Variants in PRKCQ observed in about 807,000 individuals in gnomAD.
The protein encoded by PRKCQ is protein kinase C theta type.
In PRKCQ, 41 loss-of-function variants were observed where a neutral mutation model predicts 91.2. The ratio of observed to expected loss-of-function variants is 0.45; its 90% CI spans 0.35 to 0.58. The LOEUF (loss-of-function observed/expected upper bound fraction) is 0.58, where lower values mean the gene tolerates loss of function less well. Among genes scored for constraint, PRKCQ ranks in the 20% least tolerant of loss-of-function variants. The pLI is 0.00. For synonymous variants in PRKCQ, 307 were observed against 316.9 expected (o/e 0.97, Z 0.33); for missense variants, 673 against 896.5 (o/e 0.75, Z 3.18).
intron 8 of PRKCQ, 48 bp from the exon 9 acceptor site, chr10:6,486,192 G>A (rs1417149429): frequency 6.8e-7 from 1 of 1,477,650 alleles, no homozygotes; most frequent in Non-Finnish European, 9.4e-7. Context: ...GAACCCCCTG[G>A]TGCTAAACAA....
chr10:6,434,435 G>C (rs1243298346), intron 16 of PRKCQ, among the ~76,000 whole-genome samples: 1 of 152,328 alleles, frequency 6.6e-6, no homozygotes, highest in East Asian at 1.9e-4. Context: ...CTCCAGCTCT[G>C]AGCGTCAATA....
At chr10:6,486,489 C>T (rs541652122) in intron 8 of PRKCQ, among the ~76,000 whole-genome samples, 15 of 152,296 alleles carry the variant, frequency 9.8e-5, no homozygotes, top group African/African-American at 3.6e-4. Context: ...ACCCTTTTTC[C>T]AGGAACTTAA....
chr10:6,500,481 A>C (rs1306615913), intron 4 of PRKCQ, among the ~76,000 whole-genome samples: 2 of 151,436 alleles, frequency 1.3e-5, no homozygotes, highest in East Asian at 1.9e-4. Flanking sequence ...ATATATAGTT[A>C]TATACACAAT....
At chr10:6,540,653 G>A (rs1363925437) in intron 1 of PRKCQ, among the ~76,000 whole-genome samples, 1 of 152,292 alleles carries the variant, frequency 6.6e-6, no homozygotes, top group South Asian at 2.1e-4. Flanking sequence ...GAACATTTGG[G>A]CTGTTTCTAG....
chr10:6,478,223 G>T (rs768790920), intron 12 of PRKCQ, among the ~76,000 whole-genome samples: 2 of 152,150 alleles, frequency 1.3e-5, no homozygotes, highest in Non-Finnish European at 2.9e-5. Flanking sequence ...TTTACAGTGG[G>T]TTGCTATTTT....
intron 7 of PRKCQ, 110 bp downstream of exon 7, chr10:6,496,925 G>T (rs895643221): frequency 1.4e-5 from 14 of 985,514 alleles, no homozygotes; most frequent in Non-Finnish European, 2.1e-5. Context: ...GATGTTCACT[G>T]ATAAATGGGA....
Position 6,485,154 on chromosome 10 carries a change from C to G in PRKCQ, c.1016G>C (p.Arg339Thr). 6.2e-7 allele frequency: 1 copy of G among 1,612,524 alleles called. No individual in the cohort carries two copies. The highest frequency in any genetic ancestry group is 2.2e-5 in the East Asian group (1 of 44,848). ...AGACTGCTGATCAGGACAGCTACCTCTTTTTCCCGGTGTCGGTAAACATGG... is the reference window on the plus strand; with the variant it reads ...AGACTGCTGATCAGGACAGCTACCTGTTTTTCCCGGTGTCGGTAAACATGG... ...RPPCLPTPGK[R>T]EPQGISWESP... The change falls in exon 10 of 18, where the codon AGA (arginine) becomes ACA (threonine). Residue 339 changes from arginine (R) to threonine (T), a missense_variant and splice_region_variant. Arg to Thr is a moderately conservative substitution (Grantham distance 71). Coordinates refer to ENST00000263125, the MANE Select transcript of PRKCQ (RefSeq NM_006257.5).
chr10:6,456,087 C>T (rs981783425), intron 15 of PRKCQ, among the ~76,000 whole-genome samples: 8 of 152,060 alleles, frequency 5.3e-5, no homozygotes, highest in African/African-American at 1.9e-4. Context: ...TGATGGATGC[C>T]TTCTGTGCAA....
intron 1 of PRKCQ, among the ~76,000 whole-genome samples, chr10:6,564,141 C>T (rs981907369): frequency 2.0e-5 from 3 of 152,096 alleles, no homozygotes; most frequent in Non-Finnish European, 2.9e-5. Flanking sequence ...TCACGGGCCC[C>T]GCAAAGATTC....
chr10:6,395,056 C>CTTTTTTTTTTTTTTTTTTTTTTTTT, the PRKCQ span, among the ~76,000 whole-genome samples: 1 of 66,994 alleles, frequency 1.5e-5, no homozygotes. Flanking sequence ...AAGCTGGAGT[C>CTTTTTTTTTTTTTTTTTTTTTTTTT]TTTTTTTTTT....
chr10:6,506,000 A>G (rs927963727), intron 4 of PRKCQ, among the ~76,000 whole-genome samples: 11 of 152,118 alleles, frequency 7.2e-5, no homozygotes, highest in Admixed American at 2.6e-4. Context: ...GGAGGAATGT[A>G]TTTCTCTTAT....
chr10:6,563,306 C>A (rs906001708), intron 1 of PRKCQ, among the ~76,000 whole-genome samples: 6 of 152,042 alleles, frequency 3.9e-5, no homozygotes, highest in Admixed American at 3.9e-4. Flanking sequence ...TGCATGCCTA[C>A]TATGACTGAG....
At chr10:6,438,694 C>A (rs1206048719) in intron 16 of PRKCQ, among the ~76,000 whole-genome samples, 1 of 152,092 alleles carries the variant, frequency 6.6e-6, no homozygotes, top group Non-Finnish European at 1.5e-5. Context: ...CTTGTGGGCT[C>A]AAGTGATCCT....
chr10:6,486,011 C>T lies in PRKCQ; in HGVS notation c.900+24G>A, dbSNP rs746349187. 5 of 1,591,830 alleles carry T rather than the reference C, an allele frequency of 3.1e-6. No homozygotes were observed. In the South Asian group the frequency reaches 3.3e-5, roughly 11 times the overall value. On this transcript the variant is annotated intron_variant, in intron 9 of 17. Coordinates refer to ENST00000263125, the MANE Select transcript of PRKCQ (RefSeq NM_006257.5). ...CCTTGCTGAGCGGCCATGGCGGGAA[C>T]GTGTCCACGGCACATGCTCCTACCT... is the stretch of plus-strand genomic sequence containing the variant.
At chr10:6,489,587 G>A (rs1027827528) in intron 8 of PRKCQ, 8 of 427,812 alleles carry the variant, frequency 1.9e-5, no homozygotes, top group African/African-American at 6.2e-5. Context: ...AGAAGAGGGC[G>A]AGAAGAGTCG....
At chr10:6,540,910 T>C (rs139113755) in intron 1 of PRKCQ, among the ~76,000 whole-genome samples, 9 of 152,318 alleles carry the variant, frequency 5.9e-5, no homozygotes, top group Non-Finnish European at 1.3e-4. Flanking sequence ...TTTTTGGTAA[T>C]AGCCATCCTA....
chr10:6,446,832 G>A (rs1834335432), intron 15 of PRKCQ, among the ~76,000 whole-genome samples: 1 of 152,178 alleles, frequency 6.6e-6, no homozygotes, highest in Admixed American at 6.5e-5. Flanking sequence ...AATGCACAAG[G>A]AAACCCGGGA....
At chr10:6,441,066 A>C (rs147563817) in intron 16 of PRKCQ, among the ~76,000 whole-genome samples, 3 of 152,234 alleles carry the variant, frequency 2.0e-5, no homozygotes, top group Non-Finnish European at 4.4e-5. Flanking sequence ...GTTTCATAAC[A>C]TAAGAGTGAC....
chr10:6,479,793 AAATCC>A (rs1836488722), intron 11 of PRKCQ, among the ~76,000 whole-genome samples: 3 of 148,518 alleles, frequency 2.0e-5, no homozygotes, highest in Non-Finnish European at 3.0e-5. Flanking sequence ...AAAAAAAAAA[AAATCC>A]AAAAATTAGC....
Sources: allele counts gnomAD v4.1 joint callset (sites outside exome capture counted in the v4.1 genomes callset), GRCh38; gene constraint gnomAD v4.1.1; transcripts MANE v1.5; gene names NCBI Gene and HGNC (gene_info 2026-07-23, HGNC 2026-07-21).